Variants in CA10 observed in about 807,000 individuals in gnomAD.
The protein encoded by CA10 is carbonic anhydrase-related protein 10.
CA10 carries 14 observed loss-of-function variants against 44.2 expected under a neutral mutation model. The observed-to-expected ratio is 0.32, with a 90% CI of 0.21 to 0.50. CA10 has a LOEUF of 0.50. Ranked by LOEUF, CA10 falls within the 20% of genes least tolerant of loss-of-function variation. The pLI is 0.99. For missense variants in CA10, 350 were observed against 409.7 expected (o/e 0.85, Z 1.26); for synonymous variants, 159 against 141.6 (o/e 1.12, Z -0.87).
intron 4 of CA10, among the ~76,000 whole-genome samples, chr17:51,659,326 C>G (rs1913914903): frequency 6.6e-6 from 1 of 152,144 alleles, no homozygotes; most frequent in African/African-American, 2.4e-5. Context: ...TAGCGACCAC[C>G]TCTCTCCCTG....
At chr17:52,156,109 G>A (rs555067453) in intron 1 of CA10, among the ~76,000 whole-genome samples, 91 of 152,280 alleles carry the variant, frequency 6.0e-4, no homozygotes, top group African/African-American at 2.1e-3. Context: ...CAGATGGCTT[G>A]TCTGATTTGA....
At chr17:51,717,853 A>ACACG (rs1312509641) in intron 4 of CA10, among the ~76,000 whole-genome samples, 11 of 36,654 alleles carry the variant, frequency 3.0e-4, no homozygotes, top group African/African-American at 8.0e-4. Flanking sequence ...ATATATATAT[A>ACACG]TATATATATA....
intron 1 of CA10, among the ~76,000 whole-genome samples, chr17:52,079,281 G>C (rs530009858): frequency 1.3e-5 from 2 of 151,720 alleles, no homozygotes; most frequent in Admixed American, 1.3e-4. Flanking sequence ...GCGAAACTCC[G>C]TCTCAAAAAA....
At chr17:52,087,281 T>C (rs1167020434) in intron 1 of CA10, among the ~76,000 whole-genome samples, 1 of 152,162 alleles carries the variant, frequency 6.6e-6, no homozygotes, top group Non-Finnish European at 1.5e-5. Context: ...GCTGGGATTA[T>C]AGGCGTGTGC....
intron 2 of CA10, among the ~76,000 whole-genome samples, chr17:52,066,473 G>T (rs1987539295): frequency 6.6e-6 from 1 of 152,194 alleles, no homozygotes. Flanking sequence ...CATGGGTGCA[G>T]TTTCCACCAT....
At chr17:52,159,662 A>AG, upstream of CA10, 1 of 152,424 alleles carries the variant, frequency 6.6e-6, no homozygotes, top group East Asian at 1.9e-4. Context: ...AGGGGAAAGT[A>AG]GGGGCGGCGC....
chr17:51,813,544 G>T (rs571045282), intron 3 of CA10, among the ~76,000 whole-genome samples: 2 of 152,162 alleles, frequency 1.3e-5, no homozygotes, highest in Admixed American at 6.5e-5. Context: ...TGACCCTAAG[G>T]TCAGTGTTAT....
intron 3 of CA10, among the ~76,000 whole-genome samples, chr17:51,816,180 T>C (rs1429650343): frequency 6.6e-6 from 1 of 152,238 alleles, no homozygotes. Flanking sequence ...TGTTTGTCTG[T>C]GCCTGACTTA....
intron 2 of CA10, among the ~76,000 whole-genome samples, chr17:51,980,658 A>G (rs203058): frequency 0.88 from 133,226 of 152,078 alleles, 58,901 homozygotes; most frequent in East Asian, 0.95. Flanking sequence ...TAGATTTTCA[A>G]TTGAAGTCTT....
intron 4 of CA10, among the ~76,000 whole-genome samples, chr17:51,714,660 G>T (rs1446522951): frequency 1.3e-5 from 2 of 152,184 alleles, no homozygotes; most frequent in East Asian, 3.9e-4. Context: ...ATGGACTTCG[G>T]TGGTGATGGG....
chr17:51,834,296 G>T (rs991974287), intron 3 of CA10, among the ~76,000 whole-genome samples: 1 of 152,148 alleles, frequency 6.6e-6, no homozygotes, highest in Non-Finnish European at 1.5e-5. Flanking sequence ...ATGATTTAGA[G>T]ATTTTTCCCA....
intron 3 of CA10, among the ~76,000 whole-genome samples, chr17:51,788,444 G>GTAAA (rs1197429605): frequency 6.6e-6 from 1 of 152,154 alleles, no homozygotes; most frequent in East Asian, 1.9e-4. Flanking sequence ...GAAATGTTCT[G>GTAAA]TAAATATCTA....
intron 2 of CA10, among the ~76,000 whole-genome samples, chr17:52,069,241 A>C (rs183555446): frequency 1.3e-5 from 2 of 152,372 alleles, no homozygotes; most frequent in Non-Finnish European, 2.9e-5. Context: ...CCAAATGGAC[A>C]CATCAAATTA....
chr17:51,913,602 G>A (rs139639269), intron 3 of CA10, among the ~76,000 whole-genome samples: 5 of 152,246 alleles, frequency 3.3e-5, no homozygotes, highest in Non-Finnish European at 5.9e-5. Context: ...CATGATGGGA[G>A]TAGCTGTGTC....
intron 6 of CA10, among the ~76,000 whole-genome samples, chr17:51,647,284 C>T (rs546465506): frequency 2.0e-5 from 3 of 152,150 alleles, no homozygotes; most frequent in Non-Finnish European, 4.4e-5. Flanking sequence ...GCTTATTGGG[C>T]GTGCCTCGTC....
At chr17:51,934,595 T>C (rs1450651665) in intron 2 of CA10, among the ~76,000 whole-genome samples, 2 of 152,116 alleles carry the variant, frequency 1.3e-5, no homozygotes, top group South Asian at 2.1e-4. Flanking sequence ...AAAGGAGCCA[T>C]ACAACCATGG....
At chr17:51,932,046 T>A (rs203088) in intron 2 of CA10, among the ~76,000 whole-genome samples, 1 of 151,978 alleles carries the variant, frequency 6.6e-6, no homozygotes, top group South Asian at 2.1e-4. Context: ...CATTCATTCA[T>A]CCACCCATAG....
At chr17:51,677,636 G>A (rs541783258) in intron 4 of CA10, among the ~76,000 whole-genome samples, 1 of 152,090 alleles carries the variant, frequency 6.6e-6, no homozygotes, top group Non-Finnish European at 1.5e-5. Flanking sequence ...AACCAAATAT[G>A]TACATAAAAA....
intron 2 of CA10, among the ~76,000 whole-genome samples, chr17:51,992,979 G>A (rs1985096624): frequency 6.6e-6 from 1 of 152,124 alleles, no homozygotes; most frequent in Non-Finnish European, 1.5e-5. Flanking sequence ...AATACTGATA[G>A]GCAAGGAAGT....
Sources: gnomAD v4.1 joint callset for allele counts (sites outside exome capture counted in the v4.1 genomes callset) on GRCh38, gnomAD v4.1.1 for gene constraint, MANE v1.5 for transcripts, NCBI Gene and HGNC (gene_info 2026-07-23, HGNC 2026-07-21) for gene names.